Variants in DLG2 observed in about 807,000 individuals in gnomAD.
The protein encoded by DLG2 is disks large homolog 2.
DLG2 carries 45 observed loss-of-function variants against 132.5 expected under a neutral mutation model. That is an observed-to-expected ratio of 0.34 (90% confidence interval 0.27 to 0.44). The LOEUF is 0.44. DLG2 is among the 20% of genes least tolerant of loss of function. DLG2 has a pLI of 1.00. For missense variants in DLG2, 1,045 were observed against 1,196.9 expected, an observed-to-expected ratio of 0.87 and a Z score of 1.87; for synonymous variants, 424 against 419.6, an observed-to-expected ratio of 1.01 and a Z score of -0.13.
intron 3 of DLG2, among the ~76,000 whole-genome samples, chr11:85,429,709 T>C (rs995676557): frequency 1.6e-4 from 25 of 152,128 alleles, no homozygotes; most frequent in African/African-American, 4.1e-4. Context: ...CAGGAAACAA[T>C]AGGTGCTGGA....
chr11:85,109,613 A>G (rs558565047), intron 6 of DLG2, among the ~76,000 whole-genome samples: 1 of 152,248 alleles, frequency 6.6e-6, no homozygotes, highest in Non-Finnish European at 1.5e-5. Flanking sequence ...ATAAAATGTG[A>G]AAGTTCTTAT....
intron 7 of DLG2, among the ~76,000 whole-genome samples, chr11:84,500,205 A>G (rs1374189000): frequency 6.6e-6 from 1 of 152,164 alleles, no homozygotes; most frequent in Non-Finnish European, 1.5e-5. Flanking sequence ...TATAAAAAAC[A>G]TGTTGGAGGA....
chr11:85,056,132 T>G (rs922132540), intron 6 of DLG2, among the ~76,000 whole-genome samples: 3 of 152,054 alleles, frequency 2.0e-5, no homozygotes, highest in Non-Finnish European at 4.4e-5. Flanking sequence ...AGAACAGAGT[T>G]GCCATTGATA....
chr11:84,125,191 G>C (rs1029226251), intron 9 of DLG2, among the ~76,000 whole-genome samples: 19 of 152,092 alleles, frequency 1.2e-4, no homozygotes, highest in Admixed American at 1.2e-3. Flanking sequence ...ATTACTGCCA[G>C]ACAAGGCTCA....
chr11:84,975,819 G>A (rs906952833), intron 6 of DLG2, among the ~76,000 whole-genome samples: 6 of 152,132 alleles, frequency 3.9e-5, no homozygotes, highest in Admixed American at 6.6e-5. Flanking sequence ...TCTGCATCTG[G>A]TTGATCTGCA....
intron 7 of DLG2, among the ~76,000 whole-genome samples, chr11:84,514,220 G>C (rs903129193): frequency 9.2e-5 from 14 of 151,994 alleles, no homozygotes; most frequent in Non-Finnish European, 1.6e-4. Flanking sequence ...TGGAGAAAAG[G>C]AAACTGTTGT....
intron 7 of DLG2, among the ~76,000 whole-genome samples, chr11:84,369,920 A>G (rs1168328010): frequency 6.6e-6 from 1 of 152,198 alleles, no homozygotes; most frequent in Non-Finnish European, 1.5e-5. Flanking sequence ...CTAATGGGGA[A>G]ACTGACATTC....
At chr11:83,587,894 A>T (rs1433574545) in intron 19 of DLG2, among the ~76,000 whole-genome samples, 1 of 152,186 alleles carries the variant, frequency 6.6e-6, no homozygotes, top group Non-Finnish European at 1.5e-5. Flanking sequence ...GGCACCTGGA[A>T]AATCAGGTCA....
At chr11:84,283,935 T>C (rs1284068894) in intron 7 of DLG2, among the ~76,000 whole-genome samples, 1 of 150,664 alleles carries the variant, frequency 6.6e-6, no homozygotes, top group Non-Finnish European at 1.5e-5. Flanking sequence ...GCCATGACTC[T>C]TAAAAACAAA....
chr11:83,580,896 TTCCCC>T (rs61595358), intron 19 of DLG2, among the ~76,000 whole-genome samples: 25,204 of 111,842 alleles, frequency 0.23, 3,063 homozygotes, highest in African/African-American at 0.25. Flanking sequence ...CTCCCCTCCC[TTCCCC>T]TCCCCTCCCC....
At chr11:84,110,324 C>T (rs982381513) in intron 9 of DLG2, among the ~76,000 whole-genome samples, 5 of 152,102 alleles carry the variant, frequency 3.3e-5, no homozygotes, top group African/African-American at 1.2e-4. Flanking sequence ...GGTCCTCTTA[C>T]TGGATGATTG....
At chr11:85,519,436 G>A (rs972936465) in intron 3 of DLG2, among the ~76,000 whole-genome samples, 5 of 152,184 alleles carry the variant, frequency 3.3e-5, no homozygotes, top group African/African-American at 1.2e-4. Flanking sequence ...GGACTTGCAT[G>A]GGGCCTGTAG....
chr11:84,635,781 C>T (rs552741240), intron 6 of DLG2, among the ~76,000 whole-genome samples: 1 of 152,134 alleles, frequency 6.6e-6, no homozygotes, highest in Non-Finnish European at 1.5e-5. Context: ...AAGAAACCTC[C>T]TCCCACCAAG....
intron 18 of DLG2, among the ~76,000 whole-genome samples, chr11:83,743,927 C>T (rs1038809632): frequency 3.3e-5 from 5 of 152,134 alleles, no homozygotes; most frequent in African/African-American, 7.2e-5. Flanking sequence ...AGCATCTATT[C>T]CTACTTCTTT....
intron 6 of DLG2, among the ~76,000 whole-genome samples, chr11:84,681,445 G>GT (rs2099729694): frequency 6.6e-6 from 1 of 152,184 alleles, no homozygotes; most frequent in South Asian, 2.1e-4. Flanking sequence ...GGCACTGTTG[G>GT]TTTGTAATTT....
chr11:84,477,945 A>G (rs1038609485), intron 7 of DLG2, among the ~76,000 whole-genome samples: 6 of 152,138 alleles, frequency 3.9e-5, no homozygotes, highest in African/African-American at 1.4e-4. Context: ...TGTATTCACT[A>G]CTTTAGTTCT....
At chr11:84,139,927 T>C (rs1160621736) in intron 9 of DLG2, among the ~76,000 whole-genome samples, 1 of 152,204 alleles carries the variant, frequency 6.6e-6, no homozygotes, top group East Asian at 1.9e-4. Context: ...ATATTTATAA[T>C]TGTTGCTTTT....
chr11:84,759,733 A>G (rs2067351614), intron 6 of DLG2, among the ~76,000 whole-genome samples: 1 of 152,168 alleles, frequency 6.6e-6, no homozygotes, highest in Non-Finnish European at 1.5e-5. Flanking sequence ...CATTTTCTCC[A>G]TTGCAACAAA....
chr11:84,158,771 G>C (rs1019566676), intron 9 of DLG2, among the ~76,000 whole-genome samples: 2 of 151,894 alleles, frequency 1.3e-5, no homozygotes, highest in African/African-American at 2.4e-5. Context: ...AGAAACAAAA[G>C]AAGTTCTTGT....
Sources: gnomAD v4.1 joint callset for allele counts (sites outside exome capture counted in the v4.1 genomes callset) on GRCh38, gnomAD v4.1.1 for gene constraint, MANE v1.5 for transcripts, NCBI Gene and HGNC (gene_info 2026-07-23, HGNC 2026-07-21) for gene names.